PRRC1: variants seen among roughly 807,000 people sequenced by gnomAD.
PRRC1 encodes proline rich coiled-coil 1.
A neutral mutation model predicts 40.7 loss-of-function variants in PRRC1; 39 were observed. That is an observed-to-expected ratio of 0.96 (90% CI 0.74 to 1.25). PRRC1 has a LOEUF of 1.25. Ranked by LOEUF, PRRC1 falls within the 50% of genes most tolerant of loss-of-function variation. The pLI is 0.00. For missense variants in PRRC1, 573 were observed against 548.3 expected (o/e 1.05, Z -0.45); for synonymous variants, 175 against 193.3 (o/e 0.91, Z 0.79).
chr5:127,544,653 C>T lies in PRRC1; in HGVS notation c.1026-3166C>T, dbSNP rs530856958. On this transcript the variant is annotated intron_variant, in intron 7 of 8. Coordinates refer to ENST00000296666, the MANE Select transcript of PRRC1 (RefSeq NM_130809.5). ...CTCAGGCTGCTGTGCCAGCAATCAG[C>T]GGGACTCCGTGGGCATAGGACCCTC... Among the ~76,000 whole-genome samples the T allele has an allele frequency of 7.2e-4, 110 of 152,308 alleles. 1 individual carries two copies. The highest frequency in any genetic ancestry group is 2.5e-3 in the African/African-American group (105 of 41,578).
At position 127,553,222 on chromosome 5, in the gene PRRC1, T is replaced by A; in HGVS notation, c.*1306T>A. On this transcript the variant is annotated 3_prime_UTR_variant, in exon 9 of 9. Coordinates refer to ENST00000296666, the MANE Select transcript of PRRC1 (RefSeq NM_130809.5). ...TTGAAGCTCTTGTCCTGCACTGTCT[T>A]TAGGTATCATAGGTATCAGGTTTGC... The A allele has an allele frequency of 1.0e-6, 1 of 985,784 alleles. No homozygotes were observed. The highest frequency in any genetic ancestry group is 1.2e-6 in the Non-Finnish European group (1 of 830,188). 61.1% of individuals were successfully genotyped at this position (985,784 alleles called of 1,614,324 possible). A position where few individuals can be genotyped will look rare whatever the true frequency, so the allele number is the denominator to read the frequency against.
intron 4 of PRRC1, among the ~76,000 whole-genome samples, chr5:127,528,089 A>G (rs1435239665): frequency 6.6e-6 from 1 of 152,166 alleles, no homozygotes; most frequent in Non-Finnish European, 1.5e-5. Context: ...CTTTTGTGAA[A>G]TATCGGTTAT....
Position 127,553,538 on chromosome 5 carries a change from ATT to A in PRRC1, c.*1625_*1626del. ...TCTCTACCATTTGCGTCTACACTTT[ATT>A]TTAAAAGCTATCCTTTTCTAGTAGT... On this transcript the variant is annotated 3_prime_UTR_variant, in exon 9 of 9. Transcript: ENST00000296666. 8.4e-7 allele frequency: 1 copy of A among 1,196,006 alleles called. No individual in the cohort carries two copies. Among genetic ancestry groups the A allele is most frequent in the South Asian group, 1.8e-5 (1 of 55,010 alleles). The allele number at this position is 1,196,006 out of a possible 1,614,324, so 74.1% of individuals were successfully genotyped here.
chr5:127,531,102 T>C lies in PRRC1; in HGVS notation c.757+706T>C, dbSNP rs182004978. Among the ~76,000 whole-genome samples the C allele has an allele frequency of 3.3e-3, 504 of 152,352 alleles. 2 individuals are homozygous for C. The highest frequency in any genetic ancestry group is 0.012 in the African/African-American group (490 of 41,580). On this transcript the variant is annotated intron_variant, in intron 5 of 8. Coordinates refer to ENST00000296666, the MANE Select transcript of PRRC1 (RefSeq NM_130809.5). ...ATAAAAAGCCAATAGCTTTCACAAG[T>C]CTTGACTATGTTGGTAGTTTACTGT...
intron 4 of PRRC1, 58 bp from the exon 5 acceptor site, chr5:127,530,236 A>C: frequency 6.8e-7 from 1 of 1,464,606 alleles, no homozygotes; most frequent in Non-Finnish European, 9.4e-7. Context: ...CACAATCATG[A>C]AGATCATGGT....
chr5:127,545,291 A>G (rs997761570), intron 7 of PRRC1, among the ~76,000 whole-genome samples: 1 of 152,004 alleles, frequency 6.6e-6, no homozygotes, highest in African/African-American at 2.4e-5. Context: ...TACTGGGTAT[A>G]TACCCAAAGG....
At chr5:127,518,158 G>A (rs967190581) in intron 1 of PRRC1, among the ~76,000 whole-genome samples, 3 of 152,216 alleles carry the variant, frequency 2.0e-5, no homozygotes, top group African/African-American at 7.2e-5. Flanking sequence ...GCGGACCTTA[G>A]CCCGGCCCTG....
At chr5:127,532,961 A>G (rs233038) in intron 5 of PRRC1, among the ~76,000 whole-genome samples, 45,740 of 152,038 alleles carry the variant, frequency 0.3, 7,236 homozygotes, top group East Asian at 0.55. Context: ...GGTCAAATTG[A>G]TCTGTCTAGA....
chr5:127,531,614 CTTCTTTTTT>C (rs1452409200), intron 5 of PRRC1, among the ~76,000 whole-genome samples: 11 of 84,188 alleles, frequency 1.3e-4, no homozygotes, highest in East Asian at 8.7e-4. Flanking sequence ...TATTCTTCTT[CTTCTTTTTT>C]TTTTTTTTTT....
chr5:127,532,283 A>C (rs1265514409), intron 5 of PRRC1, among the ~76,000 whole-genome samples: 1 of 151,900 alleles, frequency 6.6e-6, no homozygotes, highest in Non-Finnish European at 1.5e-5. Flanking sequence ...TAATTTTTGT[A>C]TTTTTAGTAG....
chr5:127,530,453 T>C (rs1580935280), intron 5 of PRRC1, 57 bp downstream of exon 5: 86 of 1,065,732 alleles, frequency 8.1e-5, no homozygotes, highest in African/African-American at 1.6e-5. Flanking sequence ...TATGTCCACA[T>C]CAGCCACTAA....
intron 1 of PRRC1, among the ~76,000 whole-genome samples, chr5:127,518,786 G>A (rs2127085521): frequency 6.6e-6 from 1 of 151,634 alleles, no homozygotes; most frequent in Middle Eastern, 3.4e-3. Context: ...TGGAACAACA[G>A]GGTCTAGCCG....
At chr5:127,519,943 A>C (rs894130144) in intron 1 of PRRC1, among the ~76,000 whole-genome samples, 1 of 152,146 alleles carries the variant, frequency 6.6e-6, no homozygotes, top group African/African-American at 2.4e-5. Flanking sequence ...ACCACCATCT[A>C]TCTAGTTGTG....
At chr5:127,542,103 C>A (rs1182248098) in intron 7 of PRRC1, among the ~76,000 whole-genome samples, 2 of 152,086 alleles carry the variant, frequency 1.3e-5, no homozygotes, top group African/African-American at 4.8e-5. Context: ...CAAAGAACAT[C>A]TTTATTTCTG....
chr5:127,540,882 A>G (rs1768025690), intron 7 of PRRC1, among the ~76,000 whole-genome samples: 1 of 151,776 alleles, frequency 6.6e-6, no homozygotes, highest in African/African-American at 2.4e-5. Context: ...ATTTTCTCCC[A>G]TTTTGTAGGT....
chr5:127,527,692 C>T (rs926485741), intron 4 of PRRC1, among the ~76,000 whole-genome samples: 1 of 141,088 alleles, frequency 7.1e-6, no homozygotes, highest in Non-Finnish European at 1.5e-5. Flanking sequence ...CCAGGAGGTC[C>T]AGGCTGCTTG....
At chr5:127,543,317 A>T (rs1007877092) in intron 7 of PRRC1, among the ~76,000 whole-genome samples, 4 of 151,580 alleles carry the variant, frequency 2.6e-5, no homozygotes, top group African/African-American at 9.7e-5. Flanking sequence ...TTTTTCCTTC[A>T]TTTCAACTTT....
At chr5:127,547,536 C>A (rs1278964378) in intron 7 of PRRC1, among the ~76,000 whole-genome samples, 1 of 151,828 alleles carries the variant, frequency 6.6e-6, no homozygotes, top group Non-Finnish European at 1.5e-5. Flanking sequence ...ATTTGAGTAC[C>A]CTTACTTTGA....
intron 3 of PRRC1, among the ~76,000 whole-genome samples, 167 bp downstream of exon 3, chr5:127,525,087 A>C (rs1222764874): frequency 6.6e-6 from 1 of 152,154 alleles, no homozygotes; most frequent in Non-Finnish European, 1.5e-5. Context: ...CCTTGTCGCA[A>C]TTTTATAACC....
Sources: gnomAD v4.1 joint callset for allele counts (sites outside exome capture counted in the v4.1 genomes callset) on GRCh38, gnomAD v4.1.1 for gene constraint, MANE v1.5 for transcripts, NCBI Gene and HGNC (gene_info 2026-07-23, HGNC 2026-07-21) for gene names.